The following KIFBP variants were observed in gnomAD, a reference collection of about 807,000 sequenced individuals.
The protein encoded by KIFBP is KIF-binding protein.
KIFBP carries 46 observed loss-of-function variants against 58.9 expected under a neutral mutation model. The observed-to-expected ratio is 0.78, with a 90% CI of 0.62 to 1.00. The LOEUF (loss-of-function observed/expected upper bound fraction) is 1.00, where lower values mean the gene tolerates loss of function less well. Ranked by LOEUF, KIFBP falls within the 50% of genes least tolerant of loss-of-function variation. The pLI is 0.00. For synonymous variants in KIFBP, 241 were observed against 283.4 expected, an observed-to-expected ratio of 0.85 and a Z score of 1.50; for missense variants, 651 against 752.9, an observed-to-expected ratio of 0.86 and a Z score of 1.58.
chr10:68,990,192 C>A (rs1486619731), intron 1 of KIFBP, among the ~76,000 whole-genome samples: 1 of 152,082 alleles, frequency 6.6e-6, no homozygotes, highest in African/African-American at 2.4e-5. Flanking sequence ...CCTTTGAATT[C>A]TTATAATACT....
chr10:68,995,785 G>A (rs1342327649), intron 1 of KIFBP, among the ~76,000 whole-genome samples: 1 of 152,162 alleles, frequency 6.6e-6, no homozygotes, highest in Non-Finnish European at 1.5e-5. Context: ...TAGTGGCAAG[G>A]ATATGATATG....
At chr10:68,998,972 G>T (rs902576132) in intron 1 of KIFBP, among the ~76,000 whole-genome samples, 1 of 151,442 alleles carries the variant, frequency 6.6e-6, no homozygotes, top group Non-Finnish European at 1.5e-5. Context: ...GTAGAGATGG[G>T]GTTTCACCAC....
Position 68,993,562 on chromosome 10 carries a change from C to A in KIFBP, c.426+4304C>A, listed in dbSNP as rs142124042. On this transcript the variant is annotated intron_variant, in intron 1 of 6. Coordinates refer to ENST00000361983, the MANE Select transcript of KIFBP (RefSeq NM_015634.4). ...GGACCTGTGATTAGTAGCCTGAGGT[C>A]AACAAATCTCAGTTAGAATGCGTAG... Among the ~76,000 whole-genome samples the A allele has an allele frequency of 2.7e-3, 417 of 151,802 alleles. 1 individual carries two copies. The highest frequency in any genetic ancestry group is 4.0e-3 in the Non-Finnish European group (275 of 67,950).
In KIFBP at chr10:68,989,123, C is replaced by T. The variant is rs1243959280; in HGVS notation, c.291C>T (p.Ile97=). ...AGCGAGCGGTGAGGCTGGCAGTCAT[C>T]GAGTTCCACCTCGGGGTGAACCACA... ...VAQRAVRLAV[I]EFHLGVNHID... is the part of the protein sequence containing the mutation. Residue 97 remains isoleucine, a synonymous_variant, in exon 1 of 7, where the codon ATC becomes ATT. Coordinates refer to ENST00000361983, the MANE Select transcript of KIFBP (RefSeq NM_015634.4). The T allele has an allele frequency of 1.9e-6, 3 of 1,610,888 alleles. No homozygotes were observed. The highest frequency in any genetic ancestry group is 2.5e-6 in the Non-Finnish European group (3 of 1,177,858).
At chr10:69,007,991 T>C (rs980864080) in intron 4 of KIFBP, among the ~76,000 whole-genome samples, 3 of 152,212 alleles carry the variant, frequency 2.0e-5, no homozygotes, top group Non-Finnish European at 2.9e-5. Flanking sequence ...TAGAAGTCTG[T>C]TGACTTTAAA....
chr10:69,008,391 A>AAAATATATATATATATATATAT, intron 4 of KIFBP, among the ~76,000 whole-genome samples: 3 of 71,592 alleles, frequency 4.2e-5, no homozygotes, highest in Admixed American at 1.8e-4. Flanking sequence ...AAAAAAAAAA[A>AAAATATATATATATATATATAT]ATATATATAT....
At chr10:68,997,903 T>G (rs1216143096) in intron 1 of KIFBP, among the ~76,000 whole-genome samples, 1 of 152,140 alleles carries the variant, frequency 6.6e-6, no homozygotes, top group Admixed American at 6.5e-5. Flanking sequence ...GCCTGCTATA[T>G]TCAGGGTAGA....
At chr10:69,005,986 G>A in intron 4 of KIFBP, 71 bp downstream of exon 4, 1 of 1,345,502 alleles carries the variant, frequency 7.4e-7, no homozygotes, top group South Asian at 1.2e-5. Flanking sequence ...GTAGTACCTT[G>A]AAAATACTAT....
At chr10:69,008,957 T>G in intron 5 of KIFBP, 32 bp downstream of exon 5, 2 of 1,545,878 alleles carry the variant, frequency 1.3e-6, no homozygotes, top group Non-Finnish European at 8.9e-7. Flanking sequence ...TTACATAGCT[T>G]TTAAAAAAAG....
intron 6 of KIFBP, among the ~76,000 whole-genome samples, chr10:69,014,363 A>G (rs1040621500): frequency 6.6e-6 from 1 of 152,208 alleles, no homozygotes; most frequent in Non-Finnish European, 1.5e-5. Context: ...TGAAGAAAAG[A>G]AGGCACACCA....
chr10:68,991,576 C>T (rs1448343334), intron 1 of KIFBP: 2 of 411,882 alleles, frequency 4.9e-6, no homozygotes, highest in Non-Finnish European at 1.0e-5. Flanking sequence ...TGGAGGTCAT[C>T]ACGTGCAGTA....
Position 69,015,799 on chromosome 10 carries a change from A to C in KIFBP, c.1249A>C (p.Thr417Pro). The stretch of plus-strand genomic sequence containing the variant: ...GTTCTTTCAGATTGATGGTTATGTC[A>C]CTGACCATATTGAAGTTGTCCAAGA... ...KEFFQIDGYV[T>P]DHIEVVQDHS... Residue 417 changes from threonine to proline, a missense_variant, in exon 7 of 7, where the codon ACT (threonine) becomes CCT (proline). Thr to Pro is a conservative substitution (Grantham distance 38). Transcript: ENST00000361983. 5 of 1,614,204 alleles carry C rather than the reference A, an allele frequency of 3.1e-6. No individual in the cohort carries two copies. The highest frequency in any genetic ancestry group is 4.2e-6 in the Non-Finnish European group (5 of 1,180,028).
intron 1 of KIFBP, among the ~76,000 whole-genome samples, chr10:68,993,170 A>T (rs1456153650): frequency 6.6e-6 from 1 of 152,140 alleles, no homozygotes; most frequent in Non-Finnish European, 1.5e-5. Context: ...TGTCTTCTGA[A>T]CAGGCAGTAC....
At chr10:69,008,391 A>AAAAAAAAAAAAAAAAAAAATATATAT in intron 4 of KIFBP, among the ~76,000 whole-genome samples, 1 of 71,614 alleles carries the variant, frequency 1.4e-5, no homozygotes, top group African/African-American at 7.8e-5. Context: ...AAAAAAAAAA[A>AAAAAAAAAAAAAAAAAAAATATATAT]ATATATATAT....
intron 1 of KIFBP, 37 bp from the exon 2 acceptor site, chr10:69,000,387 A>G: frequency 7.5e-7 from 1 of 1,329,242 alleles, no homozygotes; most frequent in Non-Finnish European, 1.1e-6. Context: ...TGGAAGTCTT[A>G]TATCATTGTT....
chr10:69,010,114 G>T (rs1169999365), intron 5 of KIFBP, among the ~76,000 whole-genome samples: 1 of 152,084 alleles, frequency 6.6e-6, no homozygotes, highest in Non-Finnish European at 1.5e-5. Context: ...AATATCGTGA[G>T]ATATTATTTT....
At position 69,016,173 on chromosome 10, in the gene KIFBP, C is replaced by T. The variant is rs372051203; in HGVS notation, c.1623C>T (p.Arg541=). 14 of 1,614,026 alleles carry T rather than the reference C, an allele frequency of 8.7e-6. 1 individual carries two copies. The highest frequency in any genetic ancestry group is 1.6e-4 in the Middle Eastern group (1 of 6,062). The change falls in exon 7 of 7, where the codon CGC becomes CGT. Residue 541 remains arginine (R), a synonymous_variant. Coordinates refer to ENST00000361983, the MANE Select transcript of KIFBP (RefSeq NM_015634.4). ...AGCATATAGGGGAAGATGTTCTTCG[C>T]CCTGCCATGTTAGCTAAGTTTCGAG... The part of the protein sequence containing the change: ...FPEHIGEDVL[R]PAMLAKFRVA...
rs556965875 is a variant in KIFBP, at chr10:69,015,816, T to C, written c.1266T>C (p.Val422=). The change falls in exon 7 of 7, where the codon GTT becomes GTC. Residue 422 remains valine (V), a synonymous_variant. Transcript: ENST00000361983. ...IDGYVTDHIE[V]VQDHSALFKV... is the part of the protein sequence containing the mutation. ...GTTATGTCACTGACCATATTGAAGT[T>C]GTCCAAGACCACAGTGCTCTGTTTA... The C allele has an allele frequency of 6.2e-7, 1 of 1,614,216 alleles. No individual in the cohort carries two copies. Among genetic ancestry groups the C allele is most frequent in the Admixed American group, 1.7e-5 (1 of 60,022 alleles).
intron 2 of KIFBP, among the ~76,000 whole-genome samples, chr10:69,003,504 G>A (rs917988758): frequency 6.6e-6 from 1 of 152,192 alleles, no homozygotes; most frequent in Non-Finnish European, 1.5e-5. Context: ...GCAAGAGTGT[G>A]TTTCTAGATG....
Sources: allele counts gnomAD v4.1 joint callset (sites outside exome capture counted in the v4.1 genomes callset), GRCh38; gene constraint gnomAD v4.1.1; transcripts MANE v1.5; gene names NCBI Gene and HGNC (gene_info 2026-07-23, HGNC 2026-07-21).